Variants in ANO2 observed in about 807,000 individuals in gnomAD.
ANO2 encodes the protein anoctamin-2.
ANO2 carries 101 observed loss-of-function variants against 124.2 expected under a neutral mutation model. The observed-to-expected ratio is 0.81, with a 90% confidence interval of 0.69 to 0.96. ANO2 has a LOEUF of 0.96. ANO2 is among the 40% of genes least tolerant of loss of function. ANO2 has a pLI of 0.00. For missense variants in ANO2, 1,293 were observed against 1,274.5 expected (o/e 1.01, Z -0.22); for synonymous variants, 486 against 482.5 (o/e 1.01, Z -0.09).
rs554628586 is a variant in ANO2 at position 5,675,032 on chromosome 12, G to T, written c.1546-27231C>A. On this transcript the variant is annotated intron_variant, in intron 14 of 24. Transcript: ENST00000682330. ...ACTGGAATGAAAGCTCCATAGAATA[G>T]GGGGGTTGCCTGTTGTGTTCCCCAA... is the stretch of plus-strand genomic sequence containing the variant. 2.0e-5 allele frequency among the ~76,000 whole-genome samples: 3 copies of T among 152,206 alleles called. No individual in the cohort carries two copies. In the East Asian group the frequency reaches 5.8e-4, roughly 29 times the overall value.
At chr12:5,943,473 A>G (rs539764035) in intron 1 of ANO2, among the ~76,000 whole-genome samples, 9 of 152,330 alleles carry the variant, frequency 5.9e-5, no homozygotes, top group African/African-American at 2.2e-4. Context: ...ATGCAAAGAC[A>G]TAAGAATGAT....
intron 3 of ANO2, among the ~76,000 whole-genome samples, chr12:5,917,281 C>G (rs1591789499): frequency 6.6e-6 from 1 of 151,978 alleles, no homozygotes; most frequent in Admixed American, 6.5e-5. Context: ...TTAAGGGTGG[C>G]CAGGACCATT....
rs759856592 is a variant in ANO2, at chr12:5,565,699, C to T, written c.2622-36G>A. 9.3e-6 allele frequency: 14 copies of T among 1,511,794 alleles called. No homozygotes were observed. In the East Asian group the frequency reaches 9.8e-5, roughly 11 times the overall value. 93.6% of individuals were successfully genotyped at this position (1,511,794 alleles called of 1,614,324 possible). On this transcript the variant is annotated intron_variant, in intron 23 of 24. Coordinates refer to ENST00000682330, the MANE Select transcript of ANO2 (RefSeq NM_001364791.2). ...AGAAATGTGGTGTTAAGATCAGGAGCGCATGGAGAAAAGGGTGGTCATTCT... is the reference window on the plus strand; with the variant it reads ...AGAAATGTGGTGTTAAGATCAGGAGTGCATGGAGAAAAGGGTGGTCATTCT...
chr12:5,794,411 G>A (rs1952785694), intron 10 of ANO2, among the ~76,000 whole-genome samples: 1 of 152,208 alleles, frequency 6.6e-6, no homozygotes, highest in Non-Finnish European at 1.5e-5. Context: ...AGTCAACAGT[G>A]AGGAAAGATC....
chr12:5,878,888 G>T (rs1279052226), intron 3 of ANO2, among the ~76,000 whole-genome samples: 1 of 152,158 alleles, frequency 6.6e-6, no homozygotes. Context: ...ATGGAGCAGG[G>T]AACAAACGCA....
intron 3 of ANO2, among the ~76,000 whole-genome samples, chr12:5,871,062 A>G (rs1374844064): frequency 6.6e-6 from 1 of 152,162 alleles, no homozygotes; most frequent in African/African-American, 2.4e-5. Context: ...CCTTTTTCTA[A>G]TTGGCATAAA....
At chr12:5,708,805 A>G (rs1949708573) in intron 14 of ANO2, among the ~76,000 whole-genome samples, 1 of 152,180 alleles carries the variant, frequency 6.6e-6, no homozygotes, top group African/African-American at 2.4e-5. Context: ...GCTCCTACTA[A>G]GTCTTAGTTA....
chr12:5,662,867 G>A (rs1286078606), intron 14 of ANO2, among the ~76,000 whole-genome samples: 1 of 152,156 alleles, frequency 6.6e-6, no homozygotes, highest in African/African-American at 2.4e-5. Flanking sequence ...AGGCAAGTTG[G>A]GTAGGACATG....
intron 4 of ANO2, among the ~76,000 whole-genome samples, chr12:5,851,706 G>C (rs558793021): frequency 6.7e-6 from 1 of 150,332 alleles, no homozygotes; most frequent in Non-Finnish European, 1.5e-5. Flanking sequence ...AAAAAAGAGA[G>C]ATGTGGAGGT....
chr12:5,809,167 C>T (rs1306403453), intron 7 of ANO2, among the ~76,000 whole-genome samples: 1 of 152,100 alleles, frequency 6.6e-6, no homozygotes, highest in African/African-American at 2.4e-5. Context: ...TGGAGGTTCG[C>T]TAAGCTGCAG....
intron 14 of ANO2, among the ~76,000 whole-genome samples, chr12:5,707,172 T>C (rs976190275): frequency 1.3e-5 from 2 of 151,232 alleles, no homozygotes; most frequent in South Asian, 2.1e-4. Flanking sequence ...CTCATGAGAT[T>C]TGATAATTGA....
At chr12:5,821,132 G>A (rs1184111154) in intron 7 of ANO2, among the ~76,000 whole-genome samples, 1 of 152,186 alleles carries the variant, frequency 6.6e-6, no homozygotes, top group Admixed American at 6.5e-5. Context: ...GATCCAGTGA[G>A]CAAGAAGTAG....
intron 3 of ANO2, chr12:5,881,739 G>C (rs1195312501): frequency 6.6e-6 from 1 of 152,194 alleles, no homozygotes; most frequent in Non-Finnish European, 1.5e-5. Flanking sequence ...AACCCCTTAT[G>C]AGGGCTAACC....
intron 19 of ANO2, among the ~76,000 whole-genome samples, chr12:5,603,712 G>A (rs931864770): frequency 6.6e-5 from 10 of 152,172 alleles, no homozygotes; most frequent in Middle Eastern, 3.4e-3. Context: ...TTGGGAAGCC[G>A]AGGCGGGCAG....
intron 3 of ANO2, among the ~76,000 whole-genome samples, chr12:5,873,200 T>G (rs372455886): frequency 0.017 from 486 of 27,788 alleles, 1 homozygote; most frequent in Middle Eastern, 0.044. Flanking sequence ...AAAGCAGCTC[T>G]CTCTCTCTCT....
Position 5,658,217 on chromosome 12 carries a change from C to T in ANO2, c.1546-10416G>A, listed in dbSNP as rs1456800077. 2.6e-5 allele frequency among the ~76,000 whole-genome samples: 4 copies of T among 152,148 alleles called. No individual in the cohort carries two copies. The highest frequency in any genetic ancestry group is 9.7e-5 in the African/African-American group (4 of 41,436). ...CGTGTGACTTCAGGCATGTTACCAA[C>T]TTCTCTATACCTCCACTTCCTCACC... On this transcript the variant is annotated intron_variant, in intron 14 of 24. Coordinates refer to ENST00000682330, the MANE Select transcript of ANO2 (RefSeq NM_001364791.2). The surrounding 1 kb of genome is among the most constrained non-coding windows in gnomAD (Gnocchi z 4.3).
intron 14 of ANO2, among the ~76,000 whole-genome samples, chr12:5,706,167 A>G (rs183312709): frequency 9.7e-4 from 147 of 152,304 alleles, no homozygotes; most frequent in African/African-American, 2.8e-3. Flanking sequence ...TTTCATGCAC[A>G]TTACCTTATT....
At chr12:5,654,180 T>G (rs1307695451) in intron 14 of ANO2, among the ~76,000 whole-genome samples, 1 of 152,190 alleles carries the variant, frequency 6.6e-6, no homozygotes, top group Non-Finnish European at 1.5e-5. Context: ...AGTCCCTTAC[T>G]GATCAGATCA....
intron 6 of ANO2, 23 bp from the exon 7 acceptor site, chr12:5,827,843 CTG>C: frequency 6.2e-7 from 1 of 1,603,446 alleles, no homozygotes; most frequent in South Asian, 1.1e-5. Flanking sequence ...GACAGCAGAG[CTG>C]TGAGCTCCTA....
Sources: allele counts gnomAD v4.1 joint callset (sites outside exome capture counted in the v4.1 genomes callset), GRCh38; gene constraint gnomAD v4.1.1; non-coding constraint Gnocchi (gnomAD v3.1); transcripts MANE v1.5; gene names NCBI Gene and HGNC (gene_info 2026-07-23, HGNC 2026-07-21).